Variants in SIRPG observed in about 807,000 individuals in gnomAD.
The protein encoded by SIRPG is signal-regulatory protein gamma.
In SIRPG, 38 loss-of-function variants were observed where a neutral mutation model predicts 35.7. The ratio of observed to expected loss-of-function variants is 1.06; its 90% CI spans 0.82 to 1.40. SIRPG has a LOEUF of 1.40. SIRPG is among the 40% of genes most tolerant of loss of function. SIRPG has a pLI of 0.00. For missense variants in SIRPG, 519 were observed against 483.0 expected (o/e 1.07, Z -0.70); for synonymous variants, 215 against 190.4 (o/e 1.13, Z -1.06).
chr20:1,656,069 AT>A (rs1358097603), intron 1 of SIRPG, among the ~76,000 whole-genome samples: 1 of 152,258 alleles, frequency 6.6e-6, no homozygotes, highest in Non-Finnish European at 1.5e-5. Flanking sequence ...CATAGAAACC[AT>A]CCAACACATT....
Position 1,630,302 on chromosome 20 carries a change from C to T in SIRPG, c.1086G>A (p.Pro362=), listed in dbSNP as rs372945543. 8.5e-5 allele frequency: 133 copies of T among 1,559,596 alleles called. No homozygotes were observed. The highest frequency in any genetic ancestry group is 1.1e-4 in the Non-Finnish European group (124 of 1,151,448). ...GGAGCAGCGCAGTAAGGGATGATGCCGGGCCTGGAAATCAGGGAAGACGAG... is the reference window on the plus strand; with the variant it reads ...GGAGCAGCGCAGTAAGGGATGATGCTGGGCCTGGAAATCAGGGAAGACGAG... ...KDQSSDATPG[P]ASSLTALLLI... is the part of the protein sequence containing the mutation. Residue 362 remains proline (P), a synonymous_variant, in exon 5 of 6, where the codon CCG becomes CCA. Transcript: ENST00000303415.
chr20:1,629,810 A>G (rs572383458), intron 5 of SIRPG, among the ~76,000 whole-genome samples, 174 bp from the exon 6 acceptor site: 1 of 152,202 alleles, frequency 6.6e-6, no homozygotes, highest in African/African-American at 2.4e-5. Context: ...GCCCTTTCCA[A>G]TATTCCTTCC....
intron 4 of SIRPG, among the ~76,000 whole-genome samples, chr20:1,635,014 G>T (rs906106389): frequency 4.6e-5 from 7 of 150,556 alleles, no homozygotes; most frequent in African/African-American, 1.7e-4. Context: ...CTGCACTCCA[G>T]TCTGGGCGAC....
chr20:1,673,391 A>G, the SIRPG span, among the ~76,000 whole-genome samples: 1 of 152,118 alleles, frequency 6.6e-6, no homozygotes, highest in Admixed American at 6.5e-5. Flanking sequence ...CTGGCCAAGG[A>G]CCAAAAGTGG....
chr20:1,644,539 T>C (rs752415452), intron 2 of SIRPG, among the ~76,000 whole-genome samples: 2 of 151,892 alleles, frequency 1.3e-5, no homozygotes, highest in Non-Finnish European at 2.9e-5. Flanking sequence ...CCCAAGGAGC[T>C]CAGATGGCTT....
At chr20:1,637,040 A>G (rs1848985961) in intron 2 of SIRPG, among the ~76,000 whole-genome samples, 1 of 152,220 alleles carries the variant, frequency 6.6e-6, no homozygotes, top group South Asian at 2.1e-4. Flanking sequence ...CAAGGATTAA[A>G]TGGGGCCATG....
At chr20:1,636,165 G>T in intron 3 of SIRPG, 23 bp downstream of exon 3, 1 of 1,602,032 alleles carries the variant, frequency 6.2e-7, no homozygotes, top group South Asian at 1.1e-5. Context: ...TGTGGGCTTG[G>T]GCTGGGTGTG....
intron 4 of SIRPG, among the ~76,000 whole-genome samples, chr20:1,633,061 G>C (rs567062743): frequency 8.5e-5 from 13 of 152,118 alleles, no homozygotes; most frequent in South Asian, 8.3e-4. Flanking sequence ...TGAAACAGGG[G>C]ATATCGCCAT....
At chr20:1,675,421 C>T in the SIRPG span, among the ~76,000 whole-genome samples, 6 of 152,194 alleles carry the variant, frequency 3.9e-5, no homozygotes, top group Non-Finnish European at 7.3e-5. Context: ...AAGCCAGCCC[C>T]TCCTACCCCT....
At chr20:1,671,118 G>A in the SIRPG span, 1 of 429,656 alleles carries the variant, frequency 2.3e-6, no homozygotes, top group Non-Finnish European at 4.7e-6. Context: ...AGAAGCCGTG[G>A]GACTCACAGG....
intron 4 of SIRPG, 93 bp downstream of exon 4, chr20:1,635,174 T>G: frequency 2.9e-6 from 3 of 1,049,896 alleles, no homozygotes; most frequent in Middle Eastern, 5.1e-4. Flanking sequence ...TTACTTTGTA[T>G]TTATAGACTT....
chr20:1,647,712 T>C (rs2091907982), intron 2 of SIRPG: 2 of 152,228 alleles, frequency 1.3e-5, no homozygotes, highest in African/African-American at 4.8e-5. Flanking sequence ...CTGCAGCTGC[T>C]AAAGAGTGGA....
At position 1,635,606 on chromosome 20, in the gene SIRPG, C is replaced by T. The variant is rs748376828; in HGVS notation, c.749-7G>A. The T allele has an allele frequency of 1.2e-6, 2 of 1,613,586 alleles. No individual in the cohort carries two copies. Among genetic ancestry groups the T allele is most frequent in the South Asian group, 1.1e-5 (1 of 91,044 alleles). On this transcript the variant is annotated splice_region_variant and splice_polypyrimidine_tract_variant and intron_variant, in intron 3 of 5. Transcript: ENST00000303415. The stretch of plus-strand genomic sequence containing the variant: ...ACCTCCAAGGTGGGTGGAACTGAAA[C>T]AGCACAGGGTAGAAGCTCTGATCTT...
chr20:1,668,798 A>G, the SIRPG span, among the ~76,000 whole-genome samples: 2 of 152,178 alleles, frequency 1.3e-5, no homozygotes, highest in Non-Finnish European at 2.9e-5. Context: ...CCCAGGATGG[A>G]CTCCATTTGC....
At chr20:1,636,604 T>A in intron 2 of SIRPG, 99 bp from the exon 3 acceptor site, 1 of 1,228,696 alleles carries the variant, frequency 8.1e-7, no homozygotes, top group Non-Finnish European at 1.2e-6. Flanking sequence ...ACATTAATTT[T>A]AATCCTTCTA....
the SIRPG span, among the ~76,000 whole-genome samples, chr20:1,682,240 C>A: frequency 6.6e-6 from 1 of 152,104 alleles, no homozygotes; most frequent in South Asian, 2.1e-4. Flanking sequence ...CTTTAATGTG[C>A]ATTTCATATA....
At chr20:1,640,381 G>A (rs1478315922) in intron 2 of SIRPG, among the ~76,000 whole-genome samples, 1 of 152,040 alleles carries the variant, frequency 6.6e-6, no homozygotes, top group African/African-American at 2.4e-5. Context: ...TTGTGAATGG[G>A]AGTTCATTCA....
intron 1 of SIRPG, among the ~76,000 whole-genome samples, chr20:1,654,095 C>G (rs2091960037): frequency 6.6e-6 from 1 of 151,968 alleles, no homozygotes; most frequent in Non-Finnish European, 1.5e-5. Flanking sequence ...AAAAATTAGC[C>G]AGGCATGGTG....
At chr20:1,630,021 T>C (rs1201677262) in intron 5 of SIRPG, among the ~76,000 whole-genome samples, 2 of 152,176 alleles carry the variant, frequency 1.3e-5, no homozygotes, top group African/African-American at 4.8e-5. Context: ...TTTGAACACA[T>C]TTCAAGCATC....
Sources: allele counts gnomAD v4.1 joint callset (sites outside exome capture counted in the v4.1 genomes callset), GRCh38; gene constraint gnomAD v4.1.1; transcripts MANE v1.5; gene names NCBI Gene and HGNC (gene_info 2026-07-23, HGNC 2026-07-21).